Variants in LATS2 observed in about 807,000 individuals in gnomAD.
LATS2 encodes the protein large tumor suppressor kinase 2.
A neutral mutation model predicts 76.0 loss-of-function variants in LATS2; 24 were observed. The observed-to-expected ratio is 0.32, with a 90% CI of 0.23 to 0.44. The LOEUF (loss-of-function observed/expected upper bound fraction) is 0.44. Among genes scored for constraint, LATS2 ranks in the 20% least tolerant of loss-of-function variants. LATS2 has a pLI of 1.00. For synonymous variants in LATS2, 692 were observed against 635.4 expected, an observed-to-expected ratio of 1.09 and a Z score of -1.34; for missense variants, 1,286 against 1,481.2, an observed-to-expected ratio of 0.87 and a Z score of 2.16.
chr13:21,026,428 G>T lies in LATS2; in HGVS notation c.342+19257C>A, dbSNP rs145840066. On this transcript the variant is annotated intron_variant, in intron 2 of 7. Transcript: ENST00000382592. ...GATTTTGAAGCCCATTGATGCTGTT[G>T]TATAAGTGGTCCCTCGGGTTTCTTT... Among the ~76,000 whole-genome samples, 109 of 152,302 alleles carry T rather than the reference G, an allele frequency of 7.2e-4. 2 individuals are homozygous for T. The highest frequency in any genetic ancestry group is 2.3e-3 in the African/African-American group (97 of 41,566).
chr13:20,982,380 C>T (rs531978582), intron 5 of LATS2, among the ~76,000 whole-genome samples: 15 of 152,328 alleles, frequency 9.8e-5, no homozygotes, highest in Non-Finnish European at 1.8e-4. Flanking sequence ...GGCGCGATCT[C>T]AGCTCACCGC....
At chr13:21,010,716 A>AC (rs939067398) in intron 2 of LATS2, among the ~76,000 whole-genome samples, 16 of 152,326 alleles carry the variant, frequency 1.1e-4, no homozygotes, top group African/African-American at 3.6e-4. Context: ...TAGTCGTCAC[A>AC]CATGTACTTT....
intron 4 of LATS2, 124 bp downstream of exon 4, chr13:20,987,757 C>T (rs1055703984): frequency 5.4e-6 from 6 of 1,109,774 alleles, no homozygotes; most frequent in Non-Finnish European, 7.7e-6. Context: ...ACCAGACTGT[C>T]GCCCATTAGC....
intron 2 of LATS2, among the ~76,000 whole-genome samples, chr13:21,017,768 G>T (rs1871867522): frequency 1.3e-5 from 2 of 151,966 alleles, no homozygotes; most frequent in South Asian, 4.1e-4. Context: ...TAGAATTACA[G>T]GCGCCCACCA....
intron 2 of LATS2, among the ~76,000 whole-genome samples, chr13:21,018,608 T>G (rs1871906386): frequency 2.0e-5 from 3 of 152,056 alleles, no homozygotes; most frequent in Admixed American, 2.0e-4. Context: ...TGCCTGAGAG[T>G]GACATGCTGT....
intron 2 of LATS2, among the ~76,000 whole-genome samples, chr13:21,011,006 A>AGCTC (rs1871573943): frequency 6.6e-6 from 1 of 152,248 alleles, no homozygotes; most frequent in Admixed American, 6.5e-5. Flanking sequence ...CTGGTTTGCA[A>AGCTC]ACTGCTCATT....
intron 2 of LATS2, chr13:21,023,274 T>A (rs1346922391): frequency 6.6e-6 from 1 of 151,950 alleles, no homozygotes; most frequent in Non-Finnish European, 1.5e-5. Context: ...TTTTTTTTTT[T>A]CTTTTTAGAG....
At chr13:20,990,449 CTAAT>C in intron 3 of LATS2, among the ~76,000 whole-genome samples, 1 of 139,802 alleles carries the variant, frequency 7.2e-6, no homozygotes, top group South Asian at 2.3e-4. Flanking sequence ...AAAACTCTTG[CTAAT>C]TACTAGGATT....
At chr13:21,061,205 T>C (rs1445093132) in intron 1 of LATS2, 141 bp downstream of exon 1, 1 of 149,866 alleles carries the variant, frequency 6.7e-6, no homozygotes, top group Non-Finnish European at 1.5e-5. Context: ...CCGGACAAAC[T>C]TCCTCGGCCG....
chr13:21,001,936 C>T (rs979842359), intron 2 of LATS2, among the ~76,000 whole-genome samples: 7 of 149,782 alleles, frequency 4.7e-5, no homozygotes, highest in South Asian at 2.2e-4. Flanking sequence ...TTTTTTGAGG[C>T]GGAGTCTCGC....
intron 2 of LATS2, among the ~76,000 whole-genome samples, chr13:21,015,070 A>G (rs1182743839): frequency 1.3e-5 from 2 of 152,242 alleles, no homozygotes; most frequent in African/African-American, 2.4e-5. Flanking sequence ...GGCTGAGGCA[A>G]TGACTAACAC....
At chr13:21,027,224 A>G (rs1187421741) in intron 2 of LATS2, among the ~76,000 whole-genome samples, 1 of 152,174 alleles carries the variant, frequency 6.6e-6, no homozygotes, top group Middle Eastern at 3.2e-3. Flanking sequence ...TAAACATCCA[A>G]TCTACCAGTT....
In LATS2 at chr13:20,989,213, G is replaced by C; in HGVS notation, c.567C>G (p.Thr189=). The change falls in exon 4 of 8, where the codon ACC becomes ACG. Residue 189 remains threonine, a synonymous_variant. Transcript: ENST00000382592. ...CGCCGAAGCTTGGGCCCTCGTAGGGGGTACCGCTCAGCTGGTGGTAGGACG... is the reference window on the plus strand; with the variant it reads ...CGCCGAAGCTTGGGCCCTCGTAGGGCGTACCGCTCAGCTGGTGGTAGGACG... ...SFASYHQLSG[T]PYEGPSFGAD... 6.2e-7 allele frequency: 1 copy of C among 1,613,840 alleles called. No individual in the cohort carries two copies. The highest frequency in any genetic ancestry group is 8.5e-7 in the Non-Finnish European group (1 of 1,180,012).
chr13:21,039,237 G>A (rs1872785610), intron 2 of LATS2, among the ~76,000 whole-genome samples: 1 of 152,116 alleles, frequency 6.6e-6, no homozygotes, highest in African/African-American at 2.4e-5. Context: ...AAACTTAAGT[G>A]TTTCTTTCTT....
intron 2 of LATS2, among the ~76,000 whole-genome samples, chr13:21,003,180 C>G (rs1034381609): frequency 6.6e-6 from 1 of 152,072 alleles, no homozygotes; most frequent in Non-Finnish European, 1.5e-5. Context: ...AAAAATGAGA[C>G]TGTTCCATTA....
chr13:20,997,533 G>C (rs1391696455), intron 2 of LATS2, among the ~76,000 whole-genome samples: 1 of 152,156 alleles, frequency 6.6e-6, no homozygotes, highest in African/African-American at 2.4e-5. Context: ...CCTCCCCATG[G>C]GATGGTCCAG....
intron 1 of LATS2, among the ~76,000 whole-genome samples, chr13:21,051,940 G>C (rs962065036): frequency 2.0e-5 from 3 of 152,170 alleles, no homozygotes; most frequent in Non-Finnish European, 2.9e-5. Flanking sequence ...CTGGGAGTCA[G>C]AGCAAGACCC....
intron 2 of LATS2, among the ~76,000 whole-genome samples, chr13:20,995,433 T>C (rs1218365453): frequency 6.6e-6 from 1 of 152,224 alleles, no homozygotes; most frequent in Non-Finnish European, 1.5e-5. Flanking sequence ...TGAGCAGCCC[T>C]GCCCCAAAGC....
At chr13:21,023,328 C>A (rs941792617) in intron 2 of LATS2, among the ~76,000 whole-genome samples, 1 of 151,916 alleles carries the variant, frequency 6.6e-6, no homozygotes, top group Admixed American at 6.6e-5. Flanking sequence ...AGTCTCCTGA[C>A]ACACTGGGAC....
Sources: allele counts gnomAD v4.1 joint callset (sites outside exome capture counted in the v4.1 genomes callset), GRCh38; gene constraint gnomAD v4.1.1; transcripts MANE v1.5; gene names NCBI Gene and HGNC (gene_info 2026-07-23, HGNC 2026-07-21).